The following EFCAB13 variants were observed in gnomAD, a reference collection of about 807,000 sequenced individuals.
The protein encoded by EFCAB13 is EF-hand calcium-binding domain-containing protein 13.
Under a neutral mutation model 110.2 loss-of-function variants are expected in EFCAB13, and 91 were observed. That is an observed-to-expected ratio of 0.83 (90% CI 0.70 to 0.98). The LOEUF is 0.98. EFCAB13 is among the 50% of genes least tolerant of loss of function. The pLI, the probability that EFCAB13 is intolerant of heterozygous loss-of-function variation, is 0.00. For synonymous variants in EFCAB13, 323 were observed against 369.9 expected (o/e 0.87, Z 1.45); for missense variants, 968 against 1,119.4 (o/e 0.86, Z 1.93).
intron 24 of EFCAB13, 34 bp from the exon 25 acceptor site, chr17:47,440,397 C>G: frequency 6.6e-7 from 1 of 1,511,732 alleles, no homozygotes; most frequent in Non-Finnish European, 8.8e-7. Flanking sequence ...AACAATAATT[C>G]TTTCTTTTAA....
chr17:47,324,511 G>C lies in EFCAB13; in HGVS notation c.-260G>C, dbSNP rs530748848. 6.6e-6 allele frequency: 1 copy of C among 152,260 alleles called. No homozygotes were observed. Among genetic ancestry groups the C allele is most frequent in the East Asian group, 1.9e-4 (1 of 5,176 alleles). The allele number at this position is 152,260 out of a possible 1,614,324, so 9.4% of individuals were successfully genotyped here. ...GGAAGCCTCCTCAGCGTGGGTTCTT[G>C]GAAGAGGTGGAGGTTCGTTCACTCG... On this transcript the variant is annotated 5_prime_UTR_variant, in exon 2 of 25. Transcript: ENST00000331493.
At chr17:47,388,600 C>A (rs965162625) in intron 14 of EFCAB13, among the ~76,000 whole-genome samples, 7 of 152,082 alleles carry the variant, frequency 4.6e-5, no homozygotes, top group African/African-American at 1.7e-4. Context: ...CCTTTTAAGG[C>A]TAAATAAATC....
At chr17:47,415,221 A>C (rs2143476092) in intron 23 of EFCAB13, among the ~76,000 whole-genome samples, 1 of 147,462 alleles carries the variant, frequency 6.8e-6, no homozygotes, top group African/African-American at 2.5e-5. Context: ...GGAACATCAC[A>C]CTCTGGGGAC....
intron 18 of EFCAB13, 105 bp downstream of exon 18, chr17:47,402,308 G>A: frequency 9.6e-7 from 1 of 1,040,098 alleles, no homozygotes; most frequent in South Asian, 1.4e-5. Flanking sequence ...TGGTTAACAT[G>A]TTGGCATTGA....
chr17:47,392,450 G>T (rs1490535032), intron 15 of EFCAB13, among the ~76,000 whole-genome samples: 1 of 152,010 alleles, frequency 6.6e-6, no homozygotes, highest in African/African-American at 2.4e-5. Flanking sequence ...GGAGATATGT[G>T]TGTGTTGGGG....
chr17:47,405,716 A>G (rs1408506618), intron 20 of EFCAB13, among the ~76,000 whole-genome samples: 1 of 151,466 alleles, frequency 6.6e-6, no homozygotes, highest in Non-Finnish European at 1.5e-5. Context: ...ATAGGTATAT[A>G]TATAACTTTT....
At chr17:47,415,811 A>G (rs1343596264) in intron 23 of EFCAB13, among the ~76,000 whole-genome samples, 1 of 152,084 alleles carries the variant, frequency 6.6e-6, no homozygotes, top group Non-Finnish European at 1.5e-5. Context: ...TCTTAATACC[A>G]CACTATCTAT....
At chr17:47,361,203 G>A (rs1479859771) in intron 9 of EFCAB13, among the ~76,000 whole-genome samples, 175 bp from the exon 10 acceptor site, 1 of 152,232 alleles carries the variant, frequency 6.6e-6, no homozygotes, top group South Asian at 2.1e-4. Flanking sequence ...AAAGACCAAT[G>A]TTTTAACCAC....
At chr17:47,351,318 C>CGCGCGCGCAT (rs1555578799) in intron 9 of EFCAB13, among the ~76,000 whole-genome samples, 1 of 34,234 alleles carries the variant, frequency 2.9e-5, no homozygotes, top group Non-Finnish European at 8.5e-5. Flanking sequence ...CGCGCGCGCG[C>CGCGCGCGCAT]GCGCGCGCGC....
intron 17 of EFCAB13, among the ~76,000 whole-genome samples, chr17:47,399,637 A>G (rs2065768306): frequency 6.6e-6 from 1 of 151,952 alleles, no homozygotes; most frequent in Non-Finnish European, 1.5e-5. Flanking sequence ...AGGTTATGTT[A>G]AAAAGAAAAA....
chr17:47,339,515 G>T (rs2065371326), intron 5 of EFCAB13, among the ~76,000 whole-genome samples: 2 of 152,056 alleles, frequency 1.3e-5, no homozygotes, highest in African/African-American at 4.8e-5. Context: ...CTGCTGATCT[G>T]ACAGGAGGTG....
In EFCAB13 at chr17:47,361,440, G is replaced by A. The variant is rs377500863; in HGVS notation, c.724G>A (p.Val242Met). ...AGGTGGTCGAGTTTCAACTGATGAC[G>A]TGTTTGCTGTTTTGGATAGCATGGG... is the stretch of plus-strand genomic sequence containing the variant. Reference protein sequence around the residue: ...IKGGRVSTDDVFAVLDSMGIP... With the variant: ...IKGGRVSTDDMFAVLDSMGIP... Residue 242 changes from valine to methionine, a missense_variant, in exon 10 of 25, where the codon GTG (valine) becomes ATG (methionine). Coordinates refer to ENST00000331493, the MANE Select transcript of EFCAB13 (RefSeq NM_152347.5). The A allele has an allele frequency of 4.3e-5, 69 of 1,613,800 alleles. No individual in the cohort carries two copies. Among genetic ancestry groups the A allele is most frequent in the African/African-American group, 4.3e-4 (32 of 75,004 alleles).
Position 47,395,857 on chromosome 17 carries a change from C to T in EFCAB13, c.1825C>T (p.Leu609Phe), listed in dbSNP as rs1314305557. 1.2e-6 allele frequency: 2 copies of T among 1,608,626 alleles called. No individual in the cohort carries two copies. The highest frequency in any genetic ancestry group is 1.1e-5 in the South Asian group (1 of 90,186). The change falls in exon 17 of 25, where the codon CTC becomes TTC. Residue 609 changes from leucine (L) to phenylalanine (F), a missense_variant. Transcript: ENST00000331493. ...KLVLPDAIETLDDLRKETMSV... is the reference protein window; with the variant it reads ...KLVLPDAIETFDDLRKETMSV... ...AGTATTGCCTGATGCTATTGAAACC[C>T]TCGACGATCTCAGAAAGGAGACGAT...
intron 3 of EFCAB13, chr17:47,327,981 T>C: frequency 2.6e-6 from 1 of 381,078 alleles, no homozygotes; most frequent in South Asian, 7.5e-5. Context: ...GTTCTGCTTC[T>C]CAGGGTTTAT....
At position 47,348,984 on chromosome 17, in the gene EFCAB13, C is replaced by G. The variant is rs528160174; in HGVS notation, c.661+1033C>G. On this transcript the variant is annotated intron_variant, in intron 9 of 24. Transcript: ENST00000331493. ...TCTTATCTAAAAGATCTTTGCCAACCCAAAGTCACAACAATATCAGAAAAC... is the reference window on the plus strand; with the variant it reads ...TCTTATCTAAAAGATCTTTGCCAACGCAAAGTCACAACAATATCAGAAAAC... Among the ~76,000 whole-genome samples, 8 of 152,170 alleles carry G rather than the reference C, an allele frequency of 5.3e-5. No individual in the cohort carries two copies. The South Asian group carries it at 1.5e-3, about 28-fold the overall frequency.
intron 19 of EFCAB13, 77 bp downstream of exon 19, chr17:47,404,098 C>A: frequency 8.9e-7 from 1 of 1,122,740 alleles, no homozygotes; most frequent in Non-Finnish European, 1.2e-6. Flanking sequence ...TAGGTATTTG[C>A]TTATGTTACT....
intron 24 of EFCAB13, among the ~76,000 whole-genome samples, chr17:47,439,195 T>TA (rs1905269919): frequency 2.7e-5 from 4 of 147,162 alleles, no homozygotes; most frequent in East Asian, 2.0e-4. Context: ...TTTTTTTTTT[T>TA]AGACAGATTC....
intron 5 of EFCAB13, among the ~76,000 whole-genome samples, chr17:47,340,801 A>C (rs925744583): frequency 1.8e-4 from 20 of 113,990 alleles, no homozygotes; most frequent in African/African-American, 6.8e-4. Context: ...TTTTTAGTAG[A>C]GACGGGGTTT....
intron 23 of EFCAB13, chr17:47,423,489 C>T (rs1374845960): frequency 4.3e-6 from 1 of 230,992 alleles, no homozygotes. Context: ...GCCGGGCGAA[C>T]GGGCTCGGCG....
Sources: gnomAD v4.1 joint callset for allele counts (sites outside exome capture counted in the v4.1 genomes callset) on GRCh38, gnomAD v4.1.1 for gene constraint, MANE v1.5 for transcripts, NCBI Gene and HGNC (gene_info 2026-07-23, HGNC 2026-07-21) for gene names.